TRIM44: variants seen among roughly 807,000 people sequenced by gnomAD.
The protein encoded by TRIM44 is tripartite motif-containing protein 44.
In TRIM44, 13 loss-of-function variants were observed where a neutral mutation model predicts 37.4. The ratio of observed to expected loss-of-function variants is 0.35; its 90% CI spans 0.23 to 0.55. The LOEUF (loss-of-function observed/expected upper bound fraction) is 0.55. Among genes scored for constraint, TRIM44 ranks in the 20% least tolerant of loss-of-function variants. The pLI is 0.89. For missense variants in TRIM44, 426 were observed against 437.2 expected, an observed-to-expected ratio of 0.97 and a Z score of 0.23; for synonymous variants, 175 against 157.2, an observed-to-expected ratio of 1.11 and a Z score of -0.85.
Position 35,663,087 on chromosome 11 carries a change from GC to G in TRIM44, c.-23del, listed in dbSNP as rs1397357302. 6.7e-7 allele frequency: 1 copy of G among 1,495,992 alleles called. No homozygotes were observed. The highest frequency in any genetic ancestry group is 2.3e-5 in the East Asian group (1 of 43,548). 92.7% of individuals were successfully genotyped at this position (1,495,992 alleles called of 1,614,324 possible). ...AGGCGGCGAGCCCCGGGGCCCCGAG[GC>G]CTTGGCCGCGTCACAGCACCCACAT... On this transcript the variant is annotated 5_prime_UTR_variant, in exon 1 of 5. Coordinates refer to ENST00000299413, the MANE Select transcript of TRIM44 (RefSeq NM_017583.6).
At chr11:35,726,228 T>G in intron 3 of TRIM44, 65 bp downstream of exon 3, 1 of 1,586,940 alleles carries the variant, frequency 6.3e-7, no homozygotes, top group African/African-American at 1.3e-5. Context: ...CCATATTTGT[T>G]AGACCCCATG....
intron 4 of TRIM44, among the ~76,000 whole-genome samples, chr11:35,803,469 T>TAATCCAGCCTGTAATCCA (rs1266033187): frequency 6.6e-6 from 1 of 152,126 alleles, no homozygotes; most frequent in African/African-American, 2.4e-5. Flanking sequence ...TGGTGGCTCA[T>TAATCCAGCCTGTAATCCA]GCCTGTAATC....
At chr11:35,792,072 T>TACACAACACACACAC (rs147613844) in intron 4 of TRIM44, among the ~76,000 whole-genome samples, 10 of 136,834 alleles carry the variant, frequency 7.3e-5, no homozygotes, top group South Asian at 6.9e-4. Flanking sequence ...GAGTTGCCCC[T>TACACAACACACACAC]ACACACACAC....
intron 4 of TRIM44, among the ~76,000 whole-genome samples, chr11:35,759,605 T>C (rs977538822): frequency 2.0e-5 from 3 of 152,212 alleles, no homozygotes. Flanking sequence ...GTTTTTCTGC[T>C]CTGTTTTTTC....
At chr11:35,680,202 G>A (rs2135488092) in intron 1 of TRIM44, among the ~76,000 whole-genome samples, 1 of 152,164 alleles carries the variant, frequency 6.6e-6, no homozygotes, top group African/African-American at 2.4e-5. Flanking sequence ...GGAGACCTTG[G>A]CCCTCTTGGT....
intron 2 of TRIM44, among the ~76,000 whole-genome samples, chr11:35,701,841 A>G (rs555084852): frequency 1.3e-5 from 2 of 152,322 alleles, no homozygotes; most frequent in African/African-American, 4.8e-5. Context: ...GATTCATTTA[A>G]CCAGTTTGCA....
At chr11:35,769,378 T>G (rs1852837332) in intron 4 of TRIM44, among the ~76,000 whole-genome samples, 1 of 152,238 alleles carries the variant, frequency 6.6e-6, no homozygotes, top group Non-Finnish European at 1.5e-5. Flanking sequence ...CAGTTCACAG[T>G]TGGCATTGTT....
chr11:35,714,051 A>G (rs1293980256), intron 2 of TRIM44, among the ~76,000 whole-genome samples: 2 of 152,106 alleles, frequency 1.3e-5, no homozygotes, highest in East Asian at 3.9e-4. Context: ...TTTACTTTTC[A>G]ATGCCTAGGA....
intron 4 of TRIM44, among the ~76,000 whole-genome samples, chr11:35,762,122 C>T (rs1192064080): frequency 1.3e-5 from 2 of 152,148 alleles, no homozygotes; most frequent in African/African-American, 2.4e-5. Flanking sequence ...AGCCAGTGAC[C>T]GTGCAGGCTG....
chr11:35,743,405 C>T (rs941878434), intron 4 of TRIM44, among the ~76,000 whole-genome samples: 1 of 152,190 alleles, frequency 6.6e-6, no homozygotes, highest in African/African-American at 2.4e-5. Context: ...CCAGTCACAT[C>T]TCATGATTTG....
Position 35,685,281 on chromosome 11 carries a change from A to G in TRIM44, c.692A>G (p.Lys231Arg), listed in dbSNP as rs1564949563. The G allele has an allele frequency of 3.1e-6, 5 of 1,614,114 alleles. No homozygotes were observed. Among genetic ancestry groups the G allele is most frequent in the Admixed American group, 3.3e-5 (2 of 60,014 alleles). ...TAGAGCAAAGACTCAGGTGGACTGA[A>G]GGCCGCTATGATCGAATTGGTGGAA... ...ELRSKDSGGL[K>R]AAMIELVERL... Residue 231 changes from lysine to arginine, a missense_variant, in exon 2 of 5, where the codon AAG becomes AGG. Coordinates refer to ENST00000299413, the MANE Select transcript of TRIM44 (RefSeq NM_017583.6).
intron 2 of TRIM44, among the ~76,000 whole-genome samples, chr11:35,713,090 G>C (rs1330289583): frequency 1.3e-5 from 2 of 152,168 alleles, no homozygotes; most frequent in Non-Finnish European, 2.9e-5. Context: ...TAAAATTTGA[G>C]AACAGTGCCT....
intron 4 of TRIM44, among the ~76,000 whole-genome samples, chr11:35,760,882 C>T (rs1852716079): frequency 6.6e-6 from 1 of 152,150 alleles, no homozygotes; most frequent in East Asian, 1.9e-4. Context: ...TGCAATTGAT[C>T]TATTAAACTT....
Position 35,686,362 on chromosome 11 carries a change from G to GTTTTTTTTTT in TRIM44, c.747+1031_747+1032insTTTTTTTTTT, listed in dbSNP as rs201740615. Among the ~76,000 whole-genome samples the GTTTTTTTTTT allele has an allele frequency of 2.5e-4, 36 of 143,730 alleles. 1 individual carries two copies. The highest frequency in any genetic ancestry group is 2.4e-3 in the East Asian group (11 of 4,666). 94.3% of individuals were successfully genotyped at this position (143,730 alleles called of 152,430 possible). ...TTTTATTTTACTGTAGGTTCTTTTT[G>GTTTTTTTTTT]TTTTTGTTTTTGTTTTTTTTTTTTT... On this transcript the variant is annotated intron_variant, in intron 2 of 4. Coordinates refer to ENST00000299413, the MANE Select transcript of TRIM44 (RefSeq NM_017583.6).
At chr11:35,792,907 G>T (rs918242058) in intron 4 of TRIM44, among the ~76,000 whole-genome samples, 1 of 152,164 alleles carries the variant, frequency 6.6e-6, no homozygotes, top group Non-Finnish European at 1.5e-5. Context: ...CTCAAACCTT[G>T]AAAGATATTT....
chr11:35,737,557 C>T (rs527626869), intron 4 of TRIM44, among the ~76,000 whole-genome samples: 82 of 152,162 alleles, frequency 5.4e-4, no homozygotes, highest in South Asian at 2.1e-3. Context: ...AAATTGAGGT[C>T]GGGCACAGTG....
intron 3 of TRIM44, among the ~76,000 whole-genome samples, chr11:35,732,971 C>G (rs1852281529): frequency 6.6e-6 from 1 of 152,182 alleles, no homozygotes; most frequent in Non-Finnish European, 1.5e-5. Context: ...TGTGTCCCAT[C>G]TTTTCTGTCC....
chr11:35,762,187 A>G (rs530677079), intron 4 of TRIM44, among the ~76,000 whole-genome samples: 1 of 152,330 alleles, frequency 6.6e-6, no homozygotes, highest in African/African-American at 2.4e-5. Flanking sequence ...ACATTCCCCA[A>G]TATAAATAGA....
chr11:35,724,067 CAGAGAGTATATG>C (rs1852139366), intron 2 of TRIM44, among the ~76,000 whole-genome samples: 1 of 152,142 alleles, frequency 6.6e-6, no homozygotes, highest in Admixed American at 6.5e-5. Context: ...AGAGCACCTG[CAGAGAGTATATG>C]AGGGCTTATG....
Sources: gnomAD v4.1 joint callset for allele counts (sites outside exome capture counted in the v4.1 genomes callset) on GRCh38, gnomAD v4.1.1 for gene constraint, MANE v1.5 for transcripts, NCBI Gene and HGNC (gene_info 2026-07-23, HGNC 2026-07-21) for gene names.